Variants in FGB observed in about 807,000 individuals in gnomAD.
FGB encodes the protein fibrinogen beta chain, also known as beta-fibrinogen.
In FGB, 25 loss-of-function variants were observed where a neutral mutation model predicts 57.9. That is an observed-to-expected ratio of 0.43 (90% CI 0.31 to 0.60). The LOEUF (loss-of-function observed/expected upper bound fraction) is 0.60, where lower values mean the gene tolerates loss of function less well. FGB is among the 20% of genes least tolerant of loss of function. The probability of loss-of-function intolerance (pLI) is 0.08; values close to 1 mark genes in which losing one functional copy is unlikely to be tolerated. For missense variants in FGB, 536 were observed against 598.4 expected (o/e 0.90, Z 1.09); for synonymous variants, 203 against 199.2 (o/e 1.02, Z -0.16).
chr4:154,566,302 G>A lies in FGB; in HGVS notation c.307-187G>A, dbSNP rs371139336. Among the ~76,000 whole-genome samples, 11 of 152,116 alleles carry A rather than the reference G, an allele frequency of 7.2e-5. No individual in the cohort carries two copies. In the East Asian group the frequency reaches 2.1e-3, roughly 29 times the overall value. ...TCATAGCCCAATTATATTTTTTCTG[G>A]GGTAAGTAATATTTTAAATCTCTAT... is the stretch of plus-strand genomic sequence containing the variant. On this transcript the variant is annotated intron_variant, in intron 2 of 7. Transcript: ENST00000302068.
At chr4:154,567,525 T>C (rs1730208625) in intron 3 of FGB, 68 bp from the exon 4 acceptor site, 2 of 935,678 alleles carry the variant, frequency 2.1e-6, no homozygotes, top group Admixed American at 3.5e-5. Flanking sequence ...ATCAAAATTG[T>C]ATAGTTAAAT....
intron 7 of FGB, 108 bp from the exon 8 acceptor site, chr4:154,570,311 A>G: frequency 2.5e-6 from 2 of 806,750 alleles, no homozygotes; most frequent in Non-Finnish European, 4.3e-6. Flanking sequence ...CACCCAAAGG[A>G]AAGACTACTG....
In FGB at chr4:154,571,261, T is replaced by C. The variant is rs1730412136; in HGVS notation, c.*611T>C. Among the ~76,000 whole-genome samples the C allele has an allele frequency of 6.6e-6, 1 of 152,028 alleles. No individual in the cohort carries two copies. The highest frequency in any genetic ancestry group is 2.1e-4 in the South Asian group (1 of 4,816). ...GCTCACGACTATAATCCCAACACTT[T>C]GGGAGGCTGAGGCGGGCGGTCACAA... is the stretch of plus-strand genomic sequence containing the variant. On this transcript the variant is annotated 3_prime_UTR_variant, in exon 8 of 8. Coordinates refer to ENST00000302068, the MANE Select transcript of FGB (RefSeq NM_005141.5).
chr4:154,572,749 A>G lies in FGB; in HGVS notation c.*2099A>G, dbSNP rs1730479654. On this transcript the variant is annotated 3_prime_UTR_variant, in exon 8 of 8. Transcript: ENST00000302068. ...CGATTTCATGATTTTGGAAATATGC[A>G]TACACCCATGATATCACTGGCACAG... Among the ~76,000 whole-genome samples the G allele has an allele frequency of 6.6e-6, 1 of 152,178 alleles. No individual in the cohort carries two copies. The highest frequency in any genetic ancestry group is 6.5e-5 in the Admixed American group (1 of 15,274).
chr4:154,566,892 C>A (rs1410083365), intron 3 of FGB: 2 of 570,508 alleles, frequency 3.5e-6, no homozygotes, highest in Non-Finnish European at 6.2e-6. Flanking sequence ...AAAAATTCTA[C>A]TATGACTCCT....
rs113118895 is a variant in FGB at position 154,566,766 on chromosome 4, T to C, written c.490+94T>C. The C allele has an allele frequency of 3.9e-4, 496 of 1,270,212 alleles. 4 individuals carry two copies. In the African/African-American group the frequency reaches 4.8e-3, roughly 12 times the overall value. 78.7% of individuals were successfully genotyped at this position (1,270,212 alleles called of 1,614,324 possible). A position where few individuals can be genotyped will look rare whatever the true frequency, so the allele number is the denominator to read the frequency against. The stretch of plus-strand genomic sequence containing the variant: ...TGCATGGTTGTGAGAAGATTAACAT[T>C]TCTGGGTTAGTGAATAGCATTCATA... On this transcript the variant is annotated intron_variant, in intron 3 of 7. Transcript: ENST00000302068.
Position 154,565,694 on chromosome 4 carries a change from T to C in FGB, c.115-114T>C, listed in dbSNP as rs1380058647. ...CACCAACCAGCCAGTTGATGGATCT[T>C]AAGCAAATTATCAAGCTTGTGATAA... On this transcript the variant is annotated intron_variant, in intron 1 of 7. Transcript: ENST00000302068. 21 of 1,116,402 alleles carry C rather than the reference T, an allele frequency of 1.9e-5. No homozygotes were observed. In the East Asian group the frequency reaches 5.1e-4, roughly 27 times the overall value. The allele number at this position is 1,116,402 out of a possible 1,614,324, so 69.2% of individuals were successfully genotyped here. A position where few individuals can be genotyped will look rare whatever the true frequency, so the allele number is the denominator to read the frequency against.
Position 154,565,182 on chromosome 4 carries a change from A to G in FGB, c.115-626A>G, listed in dbSNP as rs574345100. The G allele has an allele frequency of 1.8e-3, 841 of 464,332 alleles. 2 individuals carry two copies. The highest frequency in any genetic ancestry group is 1.9e-3 in the Non-Finnish European group (421 of 224,336). 28.8% of individuals were successfully genotyped at this position (464,332 alleles called of 1,614,324 possible). ...TTCAAACTATCATTACACTTATTTT[A>G]CAGATGAGAAAACTGGGGCACAGAT... On this transcript the variant is annotated intron_variant, in intron 1 of 7. Transcript: ENST00000302068.
In FGB at chr4:154,567,766, T is replaced by G; in HGVS notation, c.664T>G (p.Tyr222Asp). 6.2e-7 allele frequency: 1 copy of G among 1,614,138 alleles called. No individual in the cohort carries two copies. Among genetic ancestry groups the G allele is most frequent in the Non-Finnish European group, 8.5e-7 (1 of 1,180,038 alleles). Residue 222 changes from tyrosine to aspartate, a missense_variant, in exon 4 of 8, where the codon TAT (tyrosine) becomes GAT (aspartate). Coordinates refer to ENST00000302068, the MANE Select transcript of FGB (RefSeq NM_005141.5). ...LESDVSAQME[Y>D]CRTPCTVSCN... Reference sequence around the variant, plus strand: ...ATCTGATGTCTCAGCTCAAATGGAATATTGTCGCACCCCATGCACTGTCAG... The same window carrying G: ...ATCTGATGTCTCAGCTCAAATGGAAGATTGTCGCACCCCATGCACTGTCAG...
In FGB at chr4:154,571,634, C is replaced by T. The variant is rs1730431025; in HGVS notation, c.*984C>T. 6.6e-6 allele frequency among the ~76,000 whole-genome samples: 1 copy of T among 152,054 alleles called. No homozygotes were observed. The highest frequency in any genetic ancestry group is 1.5e-5 in the Non-Finnish European group (1 of 68,012). ...ATAGGGAGCAGAATATGCCTGTTGC[C>T]CATAGAAACGAGGTCTATTCTTGTC... On this transcript the variant is annotated 3_prime_UTR_variant, in exon 8 of 8. Transcript: ENST00000302068.
In FGB at chr4:154,565,941, A is replaced by C; in HGVS notation, c.248A>C (p.Lys83Thr). 6.2e-7 allele frequency: 1 copy of C among 1,614,062 alleles called. No homozygotes were observed. Among genetic ancestry groups the C allele is most frequent in the Non-Finnish European group, 8.5e-7 (1 of 1,180,004 alleles). The change falls in exon 2 of 8, where the codon AAG (lysine) becomes ACG (threonine). Residue 83 changes from lysine (K) to threonine (T), a missense_variant. By Grantham distance (78) the Lys-to-Thr change is moderately conservative. This residue lies in a region of FGB where 354 missense variants were observed against 383.4 expected (regional missense o/e 0.92). Coordinates refer to ENST00000302068, the MANE Select transcript of FGB (RefSeq NM_005141.5). ...CCAGCCAAAGCAGCTGCCACTCAAA[A>C]GAAAGTAGAAAGAAAAGCCCCTGAT... is the stretch of plus-strand genomic sequence containing the variant. ...ARPAKAAATQ[K>T]KVERKAPDAG...
At chr4:154,569,833 A>C in intron 7 of FGB, 34 bp downstream of exon 7, 1 of 1,609,634 alleles carries the variant, frequency 6.2e-7, no homozygotes, top group South Asian at 1.1e-5. Flanking sequence ...TGCTTTAAAA[A>C]TCACACTAAT....
In FGB at chr4:154,566,070, C is replaced by T. The variant is rs1010312393; in HGVS notation, c.306+71C>T. On this transcript the variant is annotated intron_variant, in intron 2 of 7. Coordinates refer to ENST00000302068, the MANE Select transcript of FGB (RefSeq NM_005141.5). ...GAAAGCCTGTAGTCATGGCAGTCTG[C>T]TAATGTTTCACTGACCCACATTACC... The T allele has an allele frequency of 1.1e-5, 14 of 1,328,656 alleles. No homozygotes were observed. In the East Asian group the frequency reaches 3.0e-4, roughly 29 times the overall value. 82.3% of individuals were successfully genotyped at this position (1,328,656 alleles called of 1,614,324 possible).
rs1203857769 is a variant in FGB at position 154,572,732 on chromosome 4, T to C, written c.*2082T>C. Among the ~76,000 whole-genome samples, 1 of 152,170 alleles carries C rather than the reference T, an allele frequency of 6.6e-6. No homozygotes were observed. Among genetic ancestry groups the C allele is most frequent in the Non-Finnish European group, 1.5e-5 (1 of 68,026 alleles). ...AAAGTGTTTAACATATACGATTTCA[T>C]GATTTTGGAAATATGCATACACCCA... On this transcript the variant is annotated 3_prime_UTR_variant, in exon 8 of 8. Transcript: ENST00000302068.
intron 2 of FGB, 81 bp downstream of exon 2, chr4:154,566,080 ACTG>A: frequency 8.5e-7 from 1 of 1,175,692 alleles, no homozygotes; most frequent in South Asian, 1.3e-5. Flanking sequence ...CTAATGTTTC[ACTG>A]ACCCACATTA....
In FGB at chr4:154,569,641, G is replaced by T; in HGVS notation, c.1086G>T (p.Gln362His). The change falls in exon 7 of 8, where the codon CAG (glutamine) becomes CAT (histidine). Residue 362 changes from glutamine to histidine, a missense_variant. Gln to His is a conservative substitution (Grantham distance 24). Transcript: ENST00000302068. Reference protein sequence around the residue: ...VKAHYGGFTVQNEANKYQISV... With the variant: ...VKAHYGGFTVHNEANKYQISV... ...CTCACTATGGAGGATTCACTGTACA[G>T]AATGAAGCCAACAAATACCAGATCT... is the stretch of plus-strand genomic sequence containing the variant. 1 of 1,614,110 alleles carries T rather than the reference G, an allele frequency of 6.2e-7. No individual in the cohort carries two copies. Among genetic ancestry groups the T allele is most frequent in the Non-Finnish European group, 8.5e-7 (1 of 1,179,998 alleles).
intron 6 of FGB, 46 bp downstream of exon 6, chr4:154,569,353 A>G: frequency 6.2e-7 from 1 of 1,611,544 alleles, no homozygotes; most frequent in East Asian, 2.2e-5. Context: ...TTGAAATGGG[A>G]TTTTTTTTAA....
At chr4:154,565,624 T>C in intron 1 of FGB, 184 bp from the exon 2 acceptor site, 1 of 619,866 alleles carries the variant, frequency 1.6e-6, no homozygotes, top group Non-Finnish European at 2.9e-6. Flanking sequence ...GTGCAGTTGG[T>C]CTTTCTACTG....
At chr4:154,566,744 A>G in intron 3 of FGB, 72 bp downstream of exon 3, 8 of 1,397,480 alleles carry the variant, frequency 5.7e-6, no homozygotes, top group East Asian at 2.3e-5. Context: ...ACGAGAATGC[A>G]TGGTTGTGAG....
Sources: allele counts gnomAD v4.1 joint callset (sites outside exome capture counted in the v4.1 genomes callset), GRCh38; gene constraint gnomAD v4.1.1; regional missense constraint gnomAD v4.1.1; transcripts MANE v1.5; gene names NCBI Gene and HGNC (gene_info 2026-07-23, HGNC 2026-07-21).